Variants in RCN3 observed in about 807,000 individuals in gnomAD.
RCN3 encodes the protein reticulocalbin 3, also known as reticulocalbin-3.
RCN3 carries 41 observed loss-of-function variants against 35.9 expected under a neutral mutation model. The observed-to-expected ratio is 1.14, with a 90% CI of 0.89 to 1.48. RCN3 has a LOEUF of 1.48. Ranked by LOEUF, RCN3 falls within the 40% of genes most tolerant of loss-of-function variation. The pLI is 0.00. For missense variants in RCN3, 451 were observed against 471.3 expected (o/e 0.96, Z 0.40); for synonymous variants, 187 against 193.4 (o/e 0.97, Z 0.27).
chr19:49,534,494 C>A, intron 3 of RCN3, 99 bp downstream of exon 3: 2 of 1,302,140 alleles, frequency 1.5e-6, no homozygotes, highest in Non-Finnish European at 2.1e-6. Flanking sequence ...CCCGGAGTCC[C>A]TGGCCCCTAA....
chr19:49,537,147 A>T lies in RCN3; in HGVS notation c.560A>T (p.Glu187Val), dbSNP rs748270052. Residue 187 changes from glutamate (E) to valine (V), a missense_variant, in exon 4 of 7, where the codon GAG becomes GTG. Physicochemically the swap from Glu to Val is moderately radical, Grantham distance 121. Coordinates refer to ENST00000270645, the MANE Select transcript of RCN3 (RefSeq NM_020650.3). ...GGGGACTCGATGGCCACTCGAGAGG[A>T]GCTGACAGCCTTCCTGCACCCCGAG... ...QDGDSMATRE[E>V]LTAFLHPEEF... 2.1e-5 allele frequency: 34 copies of T among 1,592,736 alleles called. No homozygotes were observed. The highest frequency in any genetic ancestry group is 2.9e-5 in the Non-Finnish European group (34 of 1,168,648).
In RCN3 at chr19:49,542,654, C is replaced by A. The variant is rs377596749; in HGVS notation, c.781C>A (p.Leu261Met). ...CCGGGATCTGAACAAGGATGGGCAC[C>A]TGGATGGGAGTGAGGTGGGCCACTG... Reference protein sequence around the residue: ...DFRDLNKDGHLDGSEVGHWVL... With the variant: ...DFRDLNKDGHMDGSEVGHWVL... Residue 261 changes from leucine (L) to methionine (M), a missense_variant, in exon 6 of 7, where the codon CTG (leucine) becomes ATG (methionine). Coordinates refer to ENST00000270645, the MANE Select transcript of RCN3 (RefSeq NM_020650.3). The A allele has an allele frequency of 6.2e-7, 1 of 1,603,930 alleles. No homozygotes were observed. Among genetic ancestry groups the A allele is most frequent in the African/African-American group, 1.3e-5 (1 of 75,004 alleles).
intron 5 of RCN3, among the ~76,000 whole-genome samples, chr19:49,541,765 G>T (rs1177777825): frequency 6.7e-6 from 1 of 150,066 alleles, no homozygotes; most frequent in Non-Finnish European, 1.5e-5. Context: ...GTGGATCATG[G>T]GGTCAGGAGT....
rs780885559 is a variant in RCN3, at chr19:49,542,526, C to T, written c.680-27C>T. 52 of 1,544,210 alleles carry T rather than the reference C, an allele frequency of 3.4e-5. No individual in the cohort carries two copies. In the African/African-American group the frequency reaches 6.2e-4, roughly 19 times the overall value. ...ACTAGACCCCCAGAGCTGCCCCTGACCTTGTCCCCTCTGTCCCGGCCCCCA... is the reference window on the plus strand; with the variant it reads ...ACTAGACCCCCAGAGCTGCCCCTGATCTTGTCCCCTCTGTCCCGGCCCCCA... On this transcript the variant is annotated intron_variant, in intron 5 of 6. Coordinates refer to ENST00000270645, the MANE Select transcript of RCN3 (RefSeq NM_020650.3).
Position 49,543,193 on chromosome 19 carries a change from C to A in RCN3, c.967C>A (p.Arg323=), listed in dbSNP as rs773739610. Residue 323 remains arginine (R), a synonymous_variant, in exon 7 of 7, where the codon CGG becomes AGG. Coordinates refer to ENST00000270645, the MANE Select transcript of RCN3 (RefSeq NM_020650.3). ...QATNYGEDLT[R]HHDEL The stretch of plus-strand genomic sequence containing the variant: ...CACCAACTATGGCGAGGACCTGACC[C>A]GGCACCACGATGAGCTGTGAGCACC... 1.2e-6 allele frequency: 2 copies of A among 1,613,396 alleles called. No individual in the cohort carries two copies. Among genetic ancestry groups the A allele is most frequent in the Middle Eastern group, 1.6e-4 (1 of 6,062 alleles).
At chr19:49,543,022 AGACTTCGG>A in intron 6 of RCN3, 76 bp from the exon 7 acceptor site, 1 of 1,160,608 alleles carries the variant, frequency 8.6e-7, no homozygotes, top group East Asian at 2.4e-5. Context: ...AGGGTCCCAG[AGACTTCGG>A]GACACGCTTG....
chr19:49,531,992 G>A lies in RCN3; in HGVS notation c.243-2201G>A, dbSNP rs1440362909. Among the ~76,000 whole-genome samples, 9 of 151,142 alleles carry A rather than the reference G, an allele frequency of 6.0e-5. 1 individual carries two copies. Among genetic ancestry groups the A allele is most frequent in the African/African-American group, 1.9e-4 (8 of 41,078 alleles). On this transcript the variant is annotated intron_variant, in intron 2 of 6. Transcript: ENST00000270645. ...ATTTTTTTGTATTTTTAGTAGAGACGGGGTTTCGCCGTGTTAGCCAGGATG... is the reference window on the plus strand; with the variant it reads ...ATTTTTTTGTATTTTTAGTAGAGACAGGGTTTCGCCGTGTTAGCCAGGATG...
intron 4 of RCN3, among the ~76,000 whole-genome samples, chr19:49,537,524 T>C (rs545924212): frequency 3.2e-4 from 49 of 151,780 alleles, no homozygotes; most frequent in Non-Finnish European, 6.8e-4. Context: ...TTTTTTTTTT[T>C]GAGACATAGT....
chr19:49,529,804 T>G (rs1312523295), intron 2 of RCN3, among the ~76,000 whole-genome samples: 1 of 152,176 alleles, frequency 6.6e-6, no homozygotes, highest in African/African-American at 2.4e-5. Flanking sequence ...TCACCCAGGC[T>G]GGAGTGCAGT....
intron 2 of RCN3, among the ~76,000 whole-genome samples, chr19:49,532,048 AC>A (rs1568708579): frequency 8.2e-6 from 1 of 121,964 alleles, no homozygotes; most frequent in Non-Finnish European, 1.7e-5. Flanking sequence ...TGATCCACCC[AC>A]CTCGGCCTCC....
At chr19:49,536,607 ATT>A (rs1164558496) in intron 3 of RCN3, among the ~76,000 whole-genome samples, 1,306 of 123,390 alleles carry the variant, frequency 0.011, 12 homozygotes, top group African/African-American at 0.037. Context: ...GGCTTCTAAA[ATT>A]TTTTTTTTTT....
chr19:49,531,260 A>G (rs895536628), intron 2 of RCN3, among the ~76,000 whole-genome samples: 7 of 152,178 alleles, frequency 4.6e-5, no homozygotes, highest in African/African-American at 1.7e-4. Flanking sequence ...TCAAGGCTGC[A>G]GTGAGCCAAA....
intron 2 of RCN3, among the ~76,000 whole-genome samples, chr19:49,531,618 C>T (rs1169912735): frequency 6.6e-6 from 1 of 152,040 alleles, no homozygotes; most frequent in Non-Finnish European, 1.5e-5. Context: ...GAAGACAAGA[C>T]AAGATGGTGG....
intron 5 of RCN3, among the ~76,000 whole-genome samples, chr19:49,540,695 C>T (rs982707645): frequency 2.0e-5 from 3 of 150,780 alleles, no homozygotes; most frequent in African/African-American, 7.3e-5. Context: ...TGGCTCACTG[C>T]AGCCTTGACC....
intron 2 of RCN3, among the ~76,000 whole-genome samples, chr19:49,532,003 G>A (rs571235020): frequency 1.3e-4 from 19 of 148,340 alleles, no homozygotes; most frequent in Admixed American, 1.0e-3. Context: ...GGGTTTCGCC[G>A]TGTTAGCCAG....
chr19:49,528,715 G>C lies in RCN3; in HGVS notation c.242+1G>C. Reference sequence around the variant, plus strand: ...CAGAGGAAAGCCAGGCCCGTCTGGGGTAAGAGAGACATTCGGTTGGGGCGT... The same window carrying C: ...CAGAGGAAAGCCAGGCCCGTCTGGGCTAAGAGAGACATTCGGTTGGGGCGT... On this transcript the variant is annotated splice_donor_variant, in intron 2 of 6. Coordinates refer to ENST00000270645, the MANE Select transcript of RCN3 (RefSeq NM_020650.3). LOFTEE classifies it high-confidence loss of function. 6.3e-7 allele frequency: 1 copy of C among 1,575,508 alleles called. No homozygotes were observed. Among genetic ancestry groups the C allele is most frequent in the Non-Finnish European group, 8.6e-7 (1 of 1,159,142 alleles).
At chr19:49,532,450 AC>A (rs2080113344) in intron 2 of RCN3, among the ~76,000 whole-genome samples, 2 of 151,290 alleles carry the variant, frequency 1.3e-5, no homozygotes, top group East Asian at 3.9e-4. Flanking sequence ...ATCTCGGCTC[AC>A]TGCAACCTAC....
At chr19:49,537,512 CT>C (rs542405486) in intron 4 of RCN3, among the ~76,000 whole-genome samples, 152 of 145,912 alleles carry the variant, frequency 1.0e-3, no homozygotes, top group Admixed American at 1.2e-3. Flanking sequence ...TCTTTTCTTT[CT>C]TTTTTTTTTT....
rs1169932151 is a variant in RCN3 at position 49,535,590 on chromosome 19, G to C, written c.445+1195G>C. Among the ~76,000 whole-genome samples, 4 of 152,206 alleles carry C rather than the reference G, an allele frequency of 2.6e-5. No individual in the cohort carries two copies. The East Asian group carries it at 7.7e-4, about 29-fold the overall frequency. ...ACATAGCCTGGGTGCCATGGCTCAC[G>C]CCTGTAATCCCAGCACTTTGGGAGG... On this transcript the variant is annotated intron_variant, in intron 3 of 6. Transcript: ENST00000270645.
Sources: gnomAD v4.1 joint callset for allele counts (sites outside exome capture counted in the v4.1 genomes callset) on GRCh38, gnomAD v4.1.1 for gene constraint, MANE v1.5 for transcripts, NCBI Gene and HGNC (gene_info 2026-07-23, HGNC 2026-07-21) for gene names.